LYST: variants seen among roughly 807,000 people sequenced by gnomAD.
LYST encodes the protein lysosomal-trafficking regulator.
Under a neutral mutation model 413.6 loss-of-function variants are expected in LYST, and 192 were observed. That is an observed-to-expected ratio of 0.46 (90% CI 0.41 to 0.52). The LOEUF (loss-of-function observed/expected upper bound fraction) is 0.52. Among genes scored for constraint, LYST ranks in the 20% least tolerant of loss-of-function variants. LYST has a pLI of 0.00. For missense variants in LYST, 3,815 were observed against 4,499.9 expected (o/e 0.85, Z 4.35); for synonymous variants, 1,525 against 1,567.3 (o/e 0.97, Z 0.64).
chr1:235,855,780 T>C (rs539126657), intron 1 of LYST, among the ~76,000 whole-genome samples: 6 of 152,152 alleles, frequency 3.9e-5, no homozygotes, highest in Non-Finnish European at 7.4e-5. Context: ...TTTATAAGCT[T>C]TAAATACACC....
At chr1:235,721,222 T>C (rs1663341835) in intron 39 of LYST, among the ~76,000 whole-genome samples, 1 of 152,202 alleles carries the variant, frequency 6.6e-6, no homozygotes, top group Non-Finnish European at 1.5e-5. Context: ...AGAAGAGTTT[T>C]CTTCTAAATA....
At chr1:235,846,974 AC>A (rs1392822708) in intron 1 of LYST, among the ~76,000 whole-genome samples, 1 of 152,166 alleles carries the variant, frequency 6.6e-6, no homozygotes, top group East Asian at 1.9e-4. Context: ...ATTGAGGAAA[AC>A]TTCCCTGGCC....
chr1:235,809,029 G>C lies in LYST; in HGVS notation c.1789C>G (p.His597Asp). 1 of 1,614,054 alleles carries C rather than the reference G, an allele frequency of 6.2e-7. No homozygotes were observed. The highest frequency in any genetic ancestry group is 8.5e-7 in the Non-Finnish European group (1 of 1,179,926). The part of the protein sequence containing the change: ...DPKSVIIPLL[H>D]AFKLPALKNF... Reference sequence around the variant, plus strand: ...TTCAGTGCTGGCAATTTAAAAGCATGGAGCAAAGGAATGATTACAGATTTG... The same window carrying C: ...TTCAGTGCTGGCAATTTAAAAGCATCGAGCAAAGGAATGATTACAGATTTG... The change falls in exon 5 of 53, where the codon CAT becomes GAT. Residue 597 changes from histidine to aspartate, a missense_variant. This residue lies in a region of LYST where 1,648 missense variants were observed against 1,810.3 expected (regional missense o/e 0.91). Coordinates refer to ENST00000389793, the MANE Select transcript of LYST (RefSeq NM_000081.4). The surrounding 1 kb of genome is among the most constrained non-coding windows in gnomAD (Gnocchi z 4.0).
At chr1:235,716,653 G>T (rs1447985727) in intron 41 of LYST, 59 bp downstream of exon 41, 7 of 1,075,980 alleles carry the variant, frequency 6.5e-6, no homozygotes, top group South Asian at 5.3e-5. Flanking sequence ...TAAAACACAA[G>T]TCTGTAAAAC....
chr1:235,865,871 TG>T (rs1402300377), intron 1 of LYST, among the ~76,000 whole-genome samples: 1 of 152,222 alleles, frequency 6.6e-6, no homozygotes, highest in Non-Finnish European at 1.5e-5. Context: ...AACCTGCATT[TG>T]ATCTTCAAGG....
chr1:235,840,755 T>C (rs1677112570), intron 1 of LYST, among the ~76,000 whole-genome samples: 1 of 152,200 alleles, frequency 6.6e-6, no homozygotes, highest in Non-Finnish European at 1.5e-5. Flanking sequence ...GAGAAAACTC[T>C]AGCTGCATGA....
chr1:235,838,681 G>A (rs1209108690), intron 1 of LYST, among the ~76,000 whole-genome samples: 1 of 152,136 alleles, frequency 6.6e-6, no homozygotes, highest in South Asian at 2.1e-4. Flanking sequence ...ATTATTAGTT[G>A]AGCAATGACA....
In LYST at chr1:235,805,793, G is replaced by A. The variant is rs145287438; in HGVS notation, c.3343C>T (p.His1115Tyr). 1 of 1,613,456 alleles carries A rather than the reference G, an allele frequency of 6.2e-7. No homozygotes were observed. The highest frequency in any genetic ancestry group is 8.5e-7 in the Non-Finnish European group (1 of 1,179,826). Reference sequence around the variant, plus strand: ...TTCTGTTGACTAGTTCTGGCACCATGAAGACAAATGGCCAGAAGGGCTTCC... The same window carrying A: ...TTCTGTTGACTAGTTCTGGCACCATAAAGACAAATGGCCAGAAGGGCTTCC... Reference protein sequence around the residue: ...LLEALLAICLHGARTSQQKME... With the variant: ...LLEALLAICLYGARTSQQKME... Residue 1115 changes from histidine (H) to tyrosine (Y), a missense_variant, in exon 6 of 53, where the codon CAT becomes TAT. Transcript: ENST00000389793.
intron 34 of LYST, among the ~76,000 whole-genome samples, chr1:235,731,860 A>G (rs553355632): frequency 2.6e-5 from 4 of 152,234 alleles, no homozygotes; most frequent in South Asian, 2.1e-4. Flanking sequence ...ACCTGGCCTC[A>G]TTTTGCCTAC....
chr1:235,733,339 CAT>C (rs1482266821), intron 34 of LYST, among the ~76,000 whole-genome samples, 162 bp downstream of exon 34: 1 of 151,938 alleles, frequency 6.6e-6, no homozygotes, highest in African/African-American at 2.4e-5. Context: ...AAAAAAAACT[CAT>C]ATGATTATTC....
chr1:235,677,044 T>C (rs1220983119), intron 50 of LYST, 47 bp downstream of exon 50: 2 of 1,396,194 alleles, frequency 1.4e-6, no homozygotes, highest in East Asian at 2.3e-5. Flanking sequence ...CCGAATGCGC[T>C]GTTAGAGCAC....
intron 12 of LYST, 127 bp from the exon 13 acceptor site, chr1:235,788,972 C>G: frequency 1.2e-6 from 1 of 832,056 alleles, no homozygotes; most frequent in Non-Finnish European, 2.0e-6. Flanking sequence ...AATGTCTGAG[C>G]CTGACCTGTT....
chr1:235,738,317 C>A (rs1664998744), intron 31 of LYST: 7 of 1,611,746 alleles, frequency 4.3e-6, no homozygotes, highest in Non-Finnish European at 5.1e-6. Flanking sequence ...AGAAAGCCAT[C>A]TTAATTTGGT....
chr1:235,690,081 G>A (rs1447626857), intron 47 of LYST, among the ~76,000 whole-genome samples: 1 of 152,192 alleles, frequency 6.6e-6, no homozygotes, highest in Non-Finnish European at 1.5e-5. Context: ...TTGATTGAAA[G>A]CTTATGTTAT....
At chr1:235,707,407 C>T (rs1662076538) in intron 44 of LYST, among the ~76,000 whole-genome samples, 1 of 151,862 alleles carries the variant, frequency 6.6e-6, no homozygotes, top group African/African-American at 2.4e-5. Context: ...TGGTGGATCA[C>T]GAGGTCAGGA....
chr1:235,772,718 C>T (rs2103430565), intron 19 of LYST, among the ~76,000 whole-genome samples: 1 of 152,242 alleles, frequency 6.6e-6, no homozygotes, highest in South Asian at 2.1e-4. Flanking sequence ...AGCATGGCTC[C>T]CCTAGTTAGA....
At chr1:235,866,788 G>C (rs1389266833) in intron 1 of LYST, 55 bp downstream of exon 1, 2 of 152,368 alleles carry the variant, frequency 1.3e-5, no homozygotes, top group Non-Finnish European at 2.9e-5. Context: ...CACGCAGAGG[G>C]GCCGGGACCC....
At chr1:235,820,005 A>G (rs142762144) in intron 3 of LYST, among the ~76,000 whole-genome samples, 2 of 152,352 alleles carry the variant, frequency 1.3e-5, no homozygotes, top group East Asian at 3.9e-4. Context: ...ACACCTTTAT[A>G]AAATTCCCCA....
intron 2 of LYST, among the ~76,000 whole-genome samples, chr1:235,831,864 C>T (rs753189554): frequency 6.6e-6 from 1 of 151,844 alleles, no homozygotes; most frequent in Non-Finnish European, 1.5e-5. Context: ...CATATTTATC[C>T]AACTTTAATA....
Sources: gnomAD v4.1 joint callset for allele counts (sites outside exome capture counted in the v4.1 genomes callset) on GRCh38, gnomAD v4.1.1 for gene constraint, gnomAD v4.1.1 regional missense constraint, Gnocchi (gnomAD v3.1) non-coding constraint, MANE v1.5 for transcripts, NCBI Gene and HGNC (gene_info 2026-07-23, HGNC 2026-07-21) for gene names.